Variants in IL20RB observed in about 807,000 individuals in gnomAD.
IL20RB encodes interleukin-20 receptor subunit beta.
Under a neutral mutation model 33.3 loss-of-function variants are expected in IL20RB, and 21 were observed. The observed-to-expected ratio is 0.63, with a 90% CI of 0.45 to 0.91. The LOEUF (loss-of-function observed/expected upper bound fraction) is 0.91. IL20RB is among the 40% of genes least tolerant of loss of function. The pLI is 0.00. For synonymous variants in IL20RB, 147 were observed against 146.8 expected, an observed-to-expected ratio of 1.00 and a Z score of -0.01; for missense variants, 345 against 384.8, an observed-to-expected ratio of 0.90 and a Z score of 0.86.
intron 2 of IL20RB, 86 bp from the exon 3 acceptor site, chr3:136,982,074 A>G: frequency 2.2e-6 from 2 of 918,818 alleles, no homozygotes; most frequent in Admixed American, 2.5e-5. Context: ...TGTACAAAGT[A>G]GGTGAACGAA....
At chr3:136,977,870 G>T (rs1313511758) in intron 1 of IL20RB, among the ~76,000 whole-genome samples, 4 of 152,236 alleles carry the variant, frequency 2.6e-5, no homozygotes, top group African/African-American at 9.6e-5. Flanking sequence ...TTTTCTACAT[G>T]TGGGAGAGCA....
chr3:136,963,191 A>G (rs1269888725), intron 1 of IL20RB, among the ~76,000 whole-genome samples: 3 of 152,194 alleles, frequency 2.0e-5, no homozygotes, highest in African/African-American at 7.2e-5. Flanking sequence ...AATGTACTAC[A>G]GTTTATCTAA....
chr3:136,987,240 G>C (rs1020040019), intron 3 of IL20RB, among the ~76,000 whole-genome samples: 1 of 152,122 alleles, frequency 6.6e-6, no homozygotes, highest in African/African-American at 2.4e-5. Flanking sequence ...GCTGATTCGT[G>C]CGTTTACAAT....
rs146492375 is a variant in IL20RB, at chr3:137,010,178, G to T, written c.891G>T (p.Thr297=). ...CRREEVDACA[T]AVMSPEELLR... ...GGGAGGAGGTGGATGCCTGTGCCAC[G>T]GCTGTGATGTCTCCTGAGGAACTCC... Residue 297 remains threonine (T), a synonymous_variant, in exon 7 of 7, where the codon ACG becomes ACT. Transcript: ENST00000329582. 1 of 1,607,668 alleles carries T rather than the reference G, an allele frequency of 6.2e-7. No homozygotes were observed.
At chr3:136,972,321 C>G (rs1941506206) in intron 1 of IL20RB, among the ~76,000 whole-genome samples, 1 of 152,142 alleles carries the variant, frequency 6.6e-6, no homozygotes, top group Non-Finnish European at 1.5e-5. Context: ...TGTGCAGAAG[C>G]TTTTTAGTTT....
intron 6 of IL20RB, among the ~76,000 whole-genome samples, chr3:136,999,274 T>C (rs1386791803): frequency 6.6e-6 from 1 of 152,102 alleles, no homozygotes; most frequent in Non-Finnish European, 1.5e-5. Context: ...TTTTTAAATT[T>C]TATGTAGAGA....
intron 6 of IL20RB, among the ~76,000 whole-genome samples, chr3:137,006,191 C>T (rs1377987113): frequency 1.3e-5 from 2 of 152,028 alleles, no homozygotes; most frequent in Non-Finnish European, 2.9e-5. Flanking sequence ...TCTGGCTGCC[C>T]TTAACACTTT....
chr3:136,990,161 C>G (rs1004397790), intron 4 of IL20RB, among the ~76,000 whole-genome samples: 7 of 151,980 alleles, frequency 4.6e-5, no homozygotes, highest in Non-Finnish European at 1.0e-4. Flanking sequence ...AATAGCCAGA[C>G]AAGCAGCAGC....
At chr3:137,005,912 A>C (rs1049057010) in intron 6 of IL20RB, among the ~76,000 whole-genome samples, 9 of 152,190 alleles carry the variant, frequency 5.9e-5, no homozygotes, top group East Asian at 1.9e-4. Context: ...CTGGTTGTTC[A>C]TCTCCATGTT....
rs139859716 is a variant in IL20RB, at chr3:136,995,137, T to C, written c.683-277T>C. ...CCAAGGTACGTGCTAACACAGCAAT[T>C]GGCTTAACACATGATACTCCTCCCT... On this transcript the variant is annotated intron_variant, in intron 5 of 6. Coordinates refer to ENST00000329582, the MANE Select transcript of IL20RB (RefSeq NM_144717.4). 1.1e-4 allele frequency among the ~76,000 whole-genome samples: 16 copies of C among 152,332 alleles called. No individual in the cohort carries two copies. In the East Asian group the frequency reaches 3.1e-3, roughly 29 times the overall value.
intron 1 of IL20RB, among the ~76,000 whole-genome samples, chr3:136,970,756 G>T (rs1245523474): frequency 6.6e-6 from 1 of 151,810 alleles, no homozygotes; most frequent in Non-Finnish European, 1.5e-5. Context: ...AGGTTCAAGC[G>T]ATTCTCCTGC....
At chr3:136,994,199 C>A (rs1336507958) in intron 5 of IL20RB, among the ~76,000 whole-genome samples, 2 of 151,924 alleles carry the variant, frequency 1.3e-5, no homozygotes, top group Non-Finnish European at 2.9e-5. Flanking sequence ...ATGAATAAGA[C>A]CTACTATTTG....
intron 1 of IL20RB, chr3:136,959,158 G>C (rs1331619717): frequency 6.6e-6 from 1 of 152,104 alleles, no homozygotes; most frequent in Non-Finnish European, 1.5e-5. Context: ...TCATCACCCA[G>C]CATATTCAGG....
chr3:136,994,795 G>A (rs963386896), intron 5 of IL20RB, among the ~76,000 whole-genome samples: 3 of 152,132 alleles, frequency 2.0e-5, no homozygotes, highest in Non-Finnish European at 4.4e-5. Context: ...ACCATTCTGA[G>A]CATAGATTCC....
At chr3:137,007,906 T>A (rs1269651598) in intron 6 of IL20RB, among the ~76,000 whole-genome samples, 5 of 152,216 alleles carry the variant, frequency 3.3e-5, no homozygotes, top group African/African-American at 1.2e-4. Flanking sequence ...GTGTTTCTAT[T>A]CAGCCATCTT....
intron 6 of IL20RB, among the ~76,000 whole-genome samples, chr3:136,999,314 C>T (rs1216561197): frequency 1.3e-5 from 2 of 152,140 alleles, no homozygotes; most frequent in Non-Finnish European, 2.9e-5. Context: ...CCAGGTTGGT[C>T]TTGAACTCCT....
intron 6 of IL20RB, among the ~76,000 whole-genome samples, chr3:136,996,477 AC>A (rs1483294961): frequency 3.3e-5 from 5 of 152,160 alleles, no homozygotes; most frequent in African/African-American, 1.2e-4. Flanking sequence ...TGCAACTTAT[AC>A]ATGCCCATAG....
intron 1 of IL20RB, among the ~76,000 whole-genome samples, chr3:136,972,400 T>C (rs987251760): frequency 4.6e-5 from 7 of 152,220 alleles, no homozygotes; most frequent in Non-Finnish European, 1.5e-5. Context: ...CTTCTTTGTA[T>C]GTTTGGTAGA....
intron 6 of IL20RB, among the ~76,000 whole-genome samples, chr3:136,996,759 T>C (rs1942137854): frequency 6.6e-6 from 1 of 152,216 alleles, no homozygotes; most frequent in Non-Finnish European, 1.5e-5. Flanking sequence ...TTCATAAAGC[T>C]TGGCAGTGTC....
Sources: gnomAD v4.1 joint callset for allele counts (sites outside exome capture counted in the v4.1 genomes callset) on GRCh38, gnomAD v4.1.1 for gene constraint, MANE v1.5 for transcripts, NCBI Gene and HGNC (gene_info 2026-07-23, HGNC 2026-07-21) for gene names.